The following CNTNAP2 variants were observed in gnomAD, a reference collection of about 807,000 sequenced individuals.
The protein encoded by CNTNAP2 is contactin associated protein 2.
CNTNAP2 carries 98 observed loss-of-function variants against 155.2 expected under a neutral mutation model. The observed-to-expected ratio is 0.63, with a 90% CI of 0.54 to 0.75. CNTNAP2 has a LOEUF of 0.75. Among genes scored for constraint, CNTNAP2 ranks in the 30% least tolerant of loss-of-function variants. The pLI is 0.00. For synonymous variants in CNTNAP2, 651 were observed against 631.2 expected (o/e 1.03, Z -0.47); for missense variants, 1,727 against 1,688.1 (o/e 1.02, Z -0.40).
intron 6 of CNTNAP2, among the ~76,000 whole-genome samples, chr7:147,125,702 G>C (rs1453633575): frequency 3.3e-5 from 5 of 152,130 alleles, no homozygotes; most frequent in African/African-American, 1.2e-4. Flanking sequence ...GTTTGAACCT[G>C]TTTCTGCCCT....
intron 14 of CNTNAP2, among the ~76,000 whole-genome samples, chr7:147,974,131 T>C (rs1404840712): frequency 6.6e-6 from 1 of 152,188 alleles, no homozygotes; most frequent in Non-Finnish European, 1.5e-5. Context: ...TACAAACACT[T>C]AAAAATTATA....
At chr7:148,243,678 T>C (rs1342667833) in intron 20 of CNTNAP2, among the ~76,000 whole-genome samples, 2 of 151,900 alleles carry the variant, frequency 1.3e-5, no homozygotes, top group African/African-American at 4.8e-5. Context: ...CATGATTCGA[T>C]TACTTCCCAC....
At chr7:147,330,781 A>G (rs1245130403) in intron 9 of CNTNAP2, among the ~76,000 whole-genome samples, 1 of 152,156 alleles carries the variant, frequency 6.6e-6, no homozygotes, top group Non-Finnish European at 1.5e-5. Context: ...AAACCTGAAC[A>G]TTTGGTGTCA....
intron 10 of CNTNAP2, among the ~76,000 whole-genome samples, chr7:147,473,561 G>A (rs981411049): frequency 6.6e-6 from 1 of 151,856 alleles, no homozygotes; most frequent in African/African-American, 2.4e-5. Flanking sequence ...GAATACCTTT[G>A]GTTTAATTTA....
chr7:146,296,077 C>T (rs1800510433), intron 1 of CNTNAP2, among the ~76,000 whole-genome samples: 1 of 151,984 alleles, frequency 6.6e-6, no homozygotes, highest in Admixed American at 6.6e-5. Context: ...CATTTGCATC[C>T]CATTGCTTGT....
intron 1 of CNTNAP2, among the ~76,000 whole-genome samples, chr7:146,193,290 C>T (rs1798732238): frequency 6.6e-6 from 1 of 152,182 alleles, no homozygotes; most frequent in African/African-American, 2.4e-5. Flanking sequence ...TGTGTGGGGG[C>T]TCCAACCCCA....
chr7:146,668,573 G>T (rs905897267), intron 1 of CNTNAP2, among the ~76,000 whole-genome samples: 1 of 151,932 alleles, frequency 6.6e-6, no homozygotes, highest in Non-Finnish European at 1.5e-5. Context: ...AGAATGATTT[G>T]TATTAATTCT....
At chr7:146,330,012 CTTTTTT>C (rs748334732) in intron 1 of CNTNAP2, among the ~76,000 whole-genome samples, 362 of 74,798 alleles carry the variant, frequency 4.8e-3, no homozygotes, top group African/African-American at 0.023. Flanking sequence ...CAAGTACTTT[CTTTTTT>C]TTTTTTTTTT....
intron 1 of CNTNAP2, among the ~76,000 whole-genome samples, chr7:146,501,869 C>T (rs571811371): frequency 6.6e-6 from 1 of 152,082 alleles, no homozygotes; most frequent in East Asian, 1.9e-4. Flanking sequence ...GAAGGGAAGG[C>T]CATGTTAACC....
At chr7:146,971,587 G>A (rs142137274) in intron 3 of CNTNAP2, among the ~76,000 whole-genome samples, 9 of 152,256 alleles carry the variant, frequency 5.9e-5, no homozygotes, top group East Asian at 3.9e-4. Flanking sequence ...GGTTGCCAGC[G>A]TAGTCAGGTT....
At chr7:146,382,660 G>C (rs989984773) in intron 1 of CNTNAP2, among the ~76,000 whole-genome samples, 1 of 151,986 alleles carries the variant, frequency 6.6e-6, no homozygotes, top group Non-Finnish European at 1.5e-5. Context: ...GAGATGCATA[G>C]AATTCTGTAA....
intron 13 of CNTNAP2, among the ~76,000 whole-genome samples, chr7:147,900,362 A>G (rs891548454): frequency 2.0e-5 from 3 of 152,054 alleles, no homozygotes; most frequent in Non-Finnish European, 4.4e-5. Flanking sequence ...AAGTTCTCAC[A>G]AGATCTGGTT....
chr7:146,475,048 C>G (rs1267555125), intron 1 of CNTNAP2, among the ~76,000 whole-genome samples: 1 of 151,754 alleles, frequency 6.6e-6, no homozygotes, highest in East Asian at 1.9e-4. Flanking sequence ...CACGTACTTA[C>G]ATATAAACAA....
intron 1 of CNTNAP2, among the ~76,000 whole-genome samples, chr7:146,422,217 G>C (rs1796022668): frequency 1.3e-5 from 2 of 151,182 alleles, no homozygotes; most frequent in African/African-American, 2.4e-5. Context: ...TGTACCTATG[G>C]AGGTTACTTT....
At chr7:147,569,666 C>T (rs1800246593) in intron 12 of CNTNAP2, among the ~76,000 whole-genome samples, 1 of 152,212 alleles carries the variant, frequency 6.6e-6, no homozygotes, top group African/African-American at 2.4e-5. Context: ...TGTAAGTACA[C>T]TCTATGAGGT....
At chr7:146,526,003 T>C (rs908978742) in intron 1 of CNTNAP2, among the ~76,000 whole-genome samples, 1 of 152,136 alleles carries the variant, frequency 6.6e-6, no homozygotes, top group Non-Finnish European at 1.5e-5. Flanking sequence ...AAAGAGAGCA[T>C]ATACAGACAG....
At chr7:146,782,238 AT>A (rs1416602376) in intron 2 of CNTNAP2, 2 of 152,154 alleles carry the variant, frequency 1.3e-5, no homozygotes, top group Non-Finnish European at 2.9e-5. Context: ...GTATGAAGTA[AT>A]CGGTGAAGTG....
At chr7:148,025,293 A>G (rs1158317295) in intron 15 of CNTNAP2, among the ~76,000 whole-genome samples, 2 of 152,128 alleles carry the variant, frequency 1.3e-5, no homozygotes, top group African/African-American at 2.4e-5. Context: ...ACCTGAACCC[A>G]AGACTCATAC....
intron 15 of CNTNAP2, among the ~76,000 whole-genome samples, chr7:148,073,009 G>A (rs1162208359): frequency 6.6e-6 from 1 of 151,976 alleles, no homozygotes; most frequent in Non-Finnish European, 1.5e-5. Flanking sequence ...TGCCTGGCCT[G>A]TCTTTTGTAT....
Sources: gnomAD v4.1 joint callset for allele counts (sites outside exome capture counted in the v4.1 genomes callset) on GRCh38, gnomAD v4.1.1 for gene constraint, MANE v1.5 for transcripts, NCBI Gene and HGNC (gene_info 2026-07-23, HGNC 2026-07-21) for gene names.